The following FER1L6 variants were observed in gnomAD, a reference collection of about 807,000 sequenced individuals.
FER1L6 encodes fer-1-like protein 6.
A neutral mutation model predicts 219.2 loss-of-function variants in FER1L6; 177 were observed. That is an observed-to-expected ratio of 0.81 (90% CI 0.71 to 0.91). FER1L6 has a LOEUF of 0.91. FER1L6 is among the 40% of genes least tolerant of loss of function. FER1L6 has a pLI of 0.00. For synonymous variants in FER1L6, 768 were observed against 824.3 expected, an observed-to-expected ratio of 0.93 and a Z score of 1.17; for missense variants, 2,153 against 2,259.9, an observed-to-expected ratio of 0.95 and a Z score of 0.96.
At chr8:123,880,200 C>T (rs930784986) in intron 1 of FER1L6, among the ~76,000 whole-genome samples, 3 of 152,120 alleles carry the variant, frequency 2.0e-5, no homozygotes, top group Non-Finnish European at 2.9e-5. Flanking sequence ...TTCCCAGATG[C>T]TCTCCTTCAT....
At chr8:123,887,634 C>A (rs1418206772) in intron 1 of FER1L6, among the ~76,000 whole-genome samples, 1 of 152,194 alleles carries the variant, frequency 6.6e-6, no homozygotes, top group Non-Finnish European at 1.5e-5. Context: ...ACAAGCCCAA[C>A]TAAGAGAGGG....
At chr8:123,996,654 C>A (rs762113219) in intron 12 of FER1L6, among the ~76,000 whole-genome samples, 9 of 152,032 alleles carry the variant, frequency 5.9e-5, no homozygotes, top group Non-Finnish European at 8.8e-5. Flanking sequence ...TAAGGACTTA[C>A]TTCTGCTATT....
intron 1 of FER1L6, among the ~76,000 whole-genome samples, chr8:123,938,699 G>T (rs1313965314): frequency 6.6e-6 from 1 of 151,766 alleles, no homozygotes; most frequent in East Asian, 1.9e-4. Flanking sequence ...GGTGCCTACT[G>T]CCACACCCAG....
At chr8:123,955,373 C>T (rs1814969323) in intron 1 of FER1L6, among the ~76,000 whole-genome samples, 1 of 152,166 alleles carries the variant, frequency 6.6e-6, no homozygotes, top group Non-Finnish European at 1.5e-5. Flanking sequence ...TGTCATGTGC[C>T]AGCTGAGCTG....
chr8:124,042,650 T>C (rs1819556233), intron 20 of FER1L6, among the ~76,000 whole-genome samples: 2 of 152,176 alleles, frequency 1.3e-5, no homozygotes, highest in Admixed American at 6.6e-5. Flanking sequence ...GCAGGTGACA[T>C]GCCCCCTTTA....
At chr8:123,915,257 C>T (rs1260689391) in intron 1 of FER1L6, among the ~76,000 whole-genome samples, 2 of 152,110 alleles carry the variant, frequency 1.3e-5, no homozygotes, top group African/African-American at 4.8e-5. Flanking sequence ...GTTTAGGAAG[C>T]TCTGCTGGGG....
At chr8:124,022,028 C>T (rs1009927796) in intron 17 of FER1L6, among the ~76,000 whole-genome samples, 3 of 152,176 alleles carry the variant, frequency 2.0e-5, no homozygotes, top group African/African-American at 7.2e-5. Context: ...TAGTTGTAAA[C>T]GGTGTCTTCT....
chr8:124,007,351 A>C (rs1360550035), intron 13 of FER1L6, among the ~76,000 whole-genome samples: 2 of 148,834 alleles, frequency 1.3e-5, no homozygotes, highest in African/African-American at 5.0e-5. Context: ...ATCCTGTCAC[A>C]CCCATTCCAT....
At chr8:124,046,121 T>G in intron 21 of FER1L6, 1 of 477,422 alleles carries the variant, frequency 2.1e-6, no homozygotes, top group Non-Finnish European at 3.7e-6. Flanking sequence ...GACTTCCATT[T>G]AAATGGCAAT....
chr8:123,878,813 TA>T (rs1274797419), intron 1 of FER1L6, among the ~76,000 whole-genome samples: 1 of 152,228 alleles, frequency 6.6e-6, no homozygotes, highest in African/African-American at 2.4e-5. Context: ...TTGTCACTGC[TA>T]AAAATAGAAA....
At chr8:123,904,636 G>A (rs1812919848) in intron 1 of FER1L6, among the ~76,000 whole-genome samples, 1 of 152,168 alleles carries the variant, frequency 6.6e-6, no homozygotes, top group African/African-American at 2.4e-5. Context: ...TCCAGCCACT[G>A]GAAGTGTTGA....
intron 5 of FER1L6, among the ~76,000 whole-genome samples, chr8:123,969,110 A>C (rs1429533227): frequency 6.6e-6 from 1 of 152,172 alleles, no homozygotes. Flanking sequence ...TTGTGTGATA[A>C]TGTCAAGAGA....
rs1818446895 is a variant in FER1L6 at position 124,021,398 on chromosome 8, G to A, written c.2014-152G>A. The A allele has an allele frequency of 2.1e-5, 19 of 888,304 alleles. No individual in the cohort carries two copies. The South Asian group carries it at 3.2e-4, about 15-fold the overall frequency. The allele number at this position is 888,304 out of a possible 1,614,324, so 55.0% of individuals were successfully genotyped here. ...CATAATCCTGTGAAATTTCCACCAAGGAGGCAGCATGCACGGTGGCAGACC... is the reference window on the plus strand; with the variant it reads ...CATAATCCTGTGAAATTTCCACCAAAGAGGCAGCATGCACGGTGGCAGACC... On this transcript the variant is annotated intron_variant, in intron 16 of 40. Coordinates refer to ENST00000522917, the MANE Select transcript of FER1L6 (RefSeq NM_001039112.2).
chr8:123,866,441 G>A (rs2130266716), intron 1 of FER1L6, among the ~76,000 whole-genome samples: 1 of 152,140 alleles, frequency 6.6e-6, no homozygotes, highest in South Asian at 2.1e-4. Flanking sequence ...GAATAATGAT[G>A]AAATAAACAC....
chr8:123,913,503 T>C (rs1813100787), intron 1 of FER1L6, among the ~76,000 whole-genome samples: 1 of 152,138 alleles, frequency 6.6e-6, no homozygotes, highest in South Asian at 2.1e-4. Context: ...AAAGGAGGCT[T>C]GGTCTGGCTG....
chr8:124,095,086 T>C (rs1822221954), intron 35 of FER1L6, 48 bp downstream of exon 35: 2 of 1,606,082 alleles, frequency 1.2e-6, no homozygotes, highest in South Asian at 1.1e-5. Context: ...TTGTGTACTG[T>C]AGAGTAATGG....
chr8:123,956,755 C>G (rs1270834838), intron 2 of FER1L6, among the ~76,000 whole-genome samples: 2 of 152,192 alleles, frequency 1.3e-5, no homozygotes, highest in African/African-American at 4.8e-5. Context: ...GCACAGACCA[C>G]ATATCCATGA....
chr8:123,903,828 A>G (rs1363040833), intron 1 of FER1L6, among the ~76,000 whole-genome samples: 1 of 152,186 alleles, frequency 6.6e-6, no homozygotes, highest in Non-Finnish European at 1.5e-5. Flanking sequence ...ATTATAGCAC[A>G]AAAGGAAGCA....
chr8:123,945,961 C>T (rs1381247580), intron 1 of FER1L6, among the ~76,000 whole-genome samples: 1 of 152,068 alleles, frequency 6.6e-6, no homozygotes. Flanking sequence ...ATGTAATATA[C>T]CGGAGTTCTG....
Sources: allele counts gnomAD v4.1 joint callset (sites outside exome capture counted in the v4.1 genomes callset), GRCh38; gene constraint gnomAD v4.1.1; transcripts MANE v1.5; gene names NCBI Gene and HGNC (gene_info 2026-07-23, HGNC 2026-07-21).